The following GALNTL6 variants were observed in gnomAD, a reference collection of about 807,000 sequenced individuals.
The protein encoded by GALNTL6 is polypeptide N-acetylgalactosaminyltransferase-like 6.
In GALNTL6, 46 loss-of-function variants were observed where a neutral mutation model predicts 73.7. That is an observed-to-expected ratio of 0.62 (90% CI 0.49 to 0.80). The LOEUF is 0.80. Ranked by LOEUF, GALNTL6 falls within the 30% of genes least tolerant of loss-of-function variation. The pLI, the probability that GALNTL6 is intolerant of heterozygous loss-of-function variation, is 0.00. For missense variants in GALNTL6, 604 were observed against 755.0 expected (o/e 0.80, Z 2.34); for synonymous variants, 259 against 263.7 (o/e 0.98, Z 0.17).
At chr4:172,366,669 A>T (rs1234544515) in intron 5 of GALNTL6, among the ~76,000 whole-genome samples, 1 of 152,174 alleles carries the variant, frequency 6.6e-6, no homozygotes, top group Admixed American at 6.5e-5. Flanking sequence ...AAAGCACTAC[A>T]GGTCTGTGTG....
chr4:172,015,811 T>G (rs1741172225), intron 2 of GALNTL6, among the ~76,000 whole-genome samples: 2 of 151,994 alleles, frequency 1.3e-5, no homozygotes, highest in Non-Finnish European at 1.5e-5. Flanking sequence ...TCAGTTTTGC[T>G]GAATATAATT....
At chr4:172,316,687 G>C (rs764858347) in intron 4 of GALNTL6, among the ~76,000 whole-genome samples, 2 of 152,196 alleles carry the variant, frequency 1.3e-5, no homozygotes, top group African/African-American at 4.8e-5. Context: ...CCATTTGAGA[G>C]ATAGCCCCAG....
At chr4:171,904,521 G>A (rs575303259) in intron 2 of GALNTL6, among the ~76,000 whole-genome samples, 2 of 152,320 alleles carry the variant, frequency 1.3e-5, no homozygotes, top group South Asian at 2.1e-4. Context: ...CGTCTGATTG[G>A]TGTACATGAA....
At chr4:171,855,142 T>A (rs977023838) in intron 2 of GALNTL6, among the ~76,000 whole-genome samples, 1 of 152,190 alleles carries the variant, frequency 6.6e-6, no homozygotes, top group Admixed American at 6.5e-5. Flanking sequence ...GTGCATAGAT[T>A]TCATTAGAGT....
chr4:171,990,521 A>T (rs1740302694), intron 2 of GALNTL6, among the ~76,000 whole-genome samples: 1 of 152,192 alleles, frequency 6.6e-6, no homozygotes, highest in Non-Finnish European at 1.5e-5. Flanking sequence ...TTTATATCAG[A>T]AAATGAAGAA....
intron 2 of GALNTL6, among the ~76,000 whole-genome samples, chr4:171,833,410 A>G (rs1735028557): frequency 2.0e-5 from 3 of 151,778 alleles, no homozygotes; most frequent in South Asian, 4.1e-4. Flanking sequence ...TGCTAATATT[A>G]AGAATAAAAT....
intron 8 of GALNTL6, among the ~76,000 whole-genome samples, chr4:172,912,159 A>G (rs1193526809): frequency 2.0e-5 from 3 of 152,202 alleles, no homozygotes; most frequent in Admixed American, 6.5e-5. Context: ...ATAGTTCTCA[A>G]GTCCTTCACC....
At chr4:172,950,511 T>C (rs1052732187) in intron 9 of GALNTL6, among the ~76,000 whole-genome samples, 1 of 151,638 alleles carries the variant, frequency 6.6e-6, no homozygotes, top group Non-Finnish European at 1.5e-5. Flanking sequence ...ACCCAAGGAG[T>C]GCACAGAGAA....
intron 5 of GALNTL6, among the ~76,000 whole-genome samples, chr4:172,657,132 C>T (rs1218833843): frequency 6.6e-6 from 1 of 152,270 alleles, no homozygotes; most frequent in South Asian, 2.1e-4. Flanking sequence ...GCTGATAGGC[C>T]ACTGAGCTCT....
At chr4:172,792,250 G>A (rs1252318475) in intron 5 of GALNTL6, among the ~76,000 whole-genome samples, 2 of 152,094 alleles carry the variant, frequency 1.3e-5, no homozygotes, top group African/African-American at 4.8e-5. Context: ...GTAATGTATT[G>A]CTAGATTTTC....
intron 5 of GALNTL6, among the ~76,000 whole-genome samples, chr4:172,725,332 T>A (rs1455885018): frequency 6.6e-6 from 1 of 152,204 alleles, no homozygotes; most frequent in African/African-American, 2.4e-5. Flanking sequence ...CTTTTTCACC[T>A]TCTACTGTAC....
chr4:171,843,144 G>A (rs1156521762), intron 2 of GALNTL6, among the ~76,000 whole-genome samples: 1 of 152,062 alleles, frequency 6.6e-6, no homozygotes, highest in African/African-American at 2.4e-5. Flanking sequence ...TATTAGTTTA[G>A]TTTTAATGGT....
In GALNTL6 at chr4:172,965,342, T is replaced by G. The variant is rs541078211; in HGVS notation, c.1371+13084T>G. 1.5e-4 allele frequency among the ~76,000 whole-genome samples: 23 copies of G among 152,222 alleles called. No individual in the cohort carries two copies. The East Asian group carries it at 3.7e-3, about 24-fold the overall frequency. On this transcript the variant is annotated intron_variant, in intron 10 of 12. Transcript: ENST00000506823. The stretch of plus-strand genomic sequence containing the variant: ...TGGCTCATGCCTGTAATCCCAGCAC[T>G]TTGGGAGGCTGAGGCAGGAGGATCA...
chr4:172,419,060 G>A (rs1050466730), intron 5 of GALNTL6, among the ~76,000 whole-genome samples: 3 of 152,026 alleles, frequency 2.0e-5, no homozygotes, highest in Admixed American at 2.0e-4. Context: ...TGTTACTATT[G>A]TATGGATGGT....
chr4:171,907,183 T>C (rs1323492546), intron 2 of GALNTL6, among the ~76,000 whole-genome samples: 1 of 151,954 alleles, frequency 6.6e-6, no homozygotes, highest in Non-Finnish European at 1.5e-5. Context: ...GGTATTCAAT[T>C]AGGAAAAGAG....
chr4:172,406,960 A>T (rs1333989892), intron 5 of GALNTL6, among the ~76,000 whole-genome samples: 1 of 151,994 alleles, frequency 6.6e-6, no homozygotes, highest in African/African-American at 2.4e-5. Flanking sequence ...CTCCCAACAA[A>T]TGATTACAGA....
chr4:171,900,782 A>G (rs551422186), intron 2 of GALNTL6, among the ~76,000 whole-genome samples: 44 of 152,290 alleles, frequency 2.9e-4, no homozygotes, highest in Admixed American at 2.4e-3. Context: ...GAAATTACAA[A>G]AAACATAGGA....
At chr4:172,326,379 G>A (rs902889522) in intron 4 of GALNTL6, among the ~76,000 whole-genome samples, 3 of 151,894 alleles carry the variant, frequency 2.0e-5, no homozygotes, top group African/African-American at 7.2e-5. Context: ...ATTTTTGGAA[G>A]CTTTGTTATC....
chr4:171,950,823 C>A (rs1738856163), intron 2 of GALNTL6, among the ~76,000 whole-genome samples: 1 of 152,026 alleles, frequency 6.6e-6, no homozygotes, highest in Admixed American at 6.6e-5. Context: ...TTATTTTAGA[C>A]TTGCTGAGAT....
Sources: allele counts gnomAD v4.1 joint callset (sites outside exome capture counted in the v4.1 genomes callset), GRCh38; gene constraint gnomAD v4.1.1; transcripts MANE v1.5; gene names NCBI Gene and HGNC (gene_info 2026-07-23, HGNC 2026-07-21).